WWOX: variants seen among roughly 807,000 people sequenced by gnomAD.
The protein encoded by WWOX is WW domain-containing oxidoreductase.
A neutral mutation model predicts 46.2 loss-of-function variants in WWOX; 69 were observed. The observed-to-expected ratio is 1.49, with a 90% CI of 1.23 to 1.82. WWOX has a LOEUF of 1.82. WWOX is among the 40% of genes most tolerant of loss of function. WWOX has a pLI of 0.00. For synonymous variants in WWOX, 359 were observed against 202.6 expected (o/e 1.77, Z -6.56); for missense variants, 919 against 542.6 (o/e 1.69, Z -6.89).
chr16:78,684,695 G>T (rs2047815080), intron 8 of WWOX, among the ~76,000 whole-genome samples: 1 of 152,144 alleles, frequency 6.6e-6, no homozygotes, highest in Non-Finnish European at 1.5e-5. Flanking sequence ...CTTCTTCCAG[G>T]TTAATCTTGG....
At chr16:78,324,838 C>CAATT (rs1257552575) in intron 5 of WWOX, among the ~76,000 whole-genome samples, 11 of 152,044 alleles carry the variant, frequency 7.2e-5, no homozygotes, top group Admixed American at 6.6e-5. Flanking sequence ...AAATGTTTTG[C>CAATT]AATTGTCTGT....
intron 6 of WWOX, among the ~76,000 whole-genome samples, chr16:78,421,073 A>C (rs940915738): frequency 6.6e-6 from 1 of 152,106 alleles, no homozygotes; most frequent in Non-Finnish European, 1.5e-5. Flanking sequence ...TTGACATGTC[A>C]TTATGGATTC....
chr16:78,447,736 A>T (rs151063429), intron 8 of WWOX, among the ~76,000 whole-genome samples: 1 of 152,216 alleles, frequency 6.6e-6, no homozygotes. Context: ...GTGGAGGGGT[A>T]CTGGAGGAAG....
At chr16:78,871,263 C>T (rs979168517) in intron 8 of WWOX, among the ~76,000 whole-genome samples, 1 of 151,766 alleles carries the variant, frequency 6.6e-6, no homozygotes, top group Non-Finnish European at 1.5e-5. Context: ...CCCCCCATGG[C>T]TTCGTCCTTA....
intron 5 of WWOX, among the ~76,000 whole-genome samples, chr16:78,216,946 C>G (rs1374175145): frequency 6.6e-6 from 1 of 152,210 alleles, no homozygotes; most frequent in East Asian, 1.9e-4. Flanking sequence ...TGGTCTCAAA[C>G]TCCTGACCTC....
chr16:78,959,033 A>C (rs1466231375), intron 8 of WWOX, among the ~76,000 whole-genome samples: 1 of 152,224 alleles, frequency 6.6e-6, no homozygotes, highest in Non-Finnish European at 1.5e-5. Context: ...AAGACATTTA[A>C]TATTAAAATA....
chr16:78,401,102 G>A (rs1597169383), intron 6 of WWOX, among the ~76,000 whole-genome samples: 2 of 152,222 alleles, frequency 1.3e-5, no homozygotes, highest in Non-Finnish European at 2.9e-5. Context: ...TTACAGGCAT[G>A]AGCCATGTCC....
intron 5 of WWOX, among the ~76,000 whole-genome samples, chr16:78,294,522 T>G (rs1240561945): frequency 1.3e-5 from 2 of 152,170 alleles, no homozygotes. Flanking sequence ...TCATCTCTTA[T>G]TTATACTCCT....
At chr16:78,421,988 C>G (rs1395254491) in intron 6 of WWOX, among the ~76,000 whole-genome samples, 2 of 152,060 alleles carry the variant, frequency 1.3e-5, no homozygotes, top group Non-Finnish European at 2.9e-5. Context: ...CAAGATAATA[C>G]AAATATAATA....
intron 5 of WWOX, chr16:78,280,764 G>A (rs2079663758): frequency 6.6e-6 from 1 of 152,172 alleles, no homozygotes; most frequent in African/African-American, 2.4e-5. Context: ...CATGCTCTTT[G>A]AAGCTGAAGC....
intron 8 of WWOX, among the ~76,000 whole-genome samples, chr16:78,473,787 G>T (rs2084289354): frequency 6.6e-6 from 1 of 152,084 alleles, no homozygotes; most frequent in Non-Finnish European, 1.5e-5. Flanking sequence ...CCCACCAGTG[G>T]TCCCCTGAAT....
chr16:79,041,508 A>G lies in WWOX; in HGVS notation c.1057-170100A>G, dbSNP rs1253214329. 2.6e-5 allele frequency among the ~76,000 whole-genome samples: 4 copies of G among 152,284 alleles called. No individual in the cohort carries two copies. The East Asian group carries it at 5.8e-4, about 22-fold the overall frequency. On this transcript the variant is annotated intron_variant, in intron 8 of 8. Coordinates refer to ENST00000566780, the MANE Select transcript of WWOX (RefSeq NM_016373.4). ...GGATGATGGAGCAGGGATCATGCTC[A>G]TTAAGTCCGCAGAACTCATCAGCTG...
intron 8 of WWOX, among the ~76,000 whole-genome samples, chr16:78,989,629 T>A (rs1453661460): frequency 1.3e-5 from 2 of 152,278 alleles, no homozygotes; most frequent in Admixed American, 1.3e-4. Flanking sequence ...TCTTGTGGAT[T>A]CAGGAATTGG....
intron 6 of WWOX, among the ~76,000 whole-genome samples, chr16:78,409,779 C>T (rs936627961): frequency 2.6e-5 from 4 of 152,146 alleles, no homozygotes; most frequent in African/African-American, 9.7e-5. Flanking sequence ...TTTCCAGCTT[C>T]TAAAGGTCAC....
intron 8 of WWOX, among the ~76,000 whole-genome samples, chr16:79,067,122 G>A (rs1473397988): frequency 6.6e-6 from 1 of 152,178 alleles, no homozygotes; most frequent in Non-Finnish European, 1.5e-5. Context: ...AATCCTTGGA[G>A]GCCCTGTCTA....
At chr16:78,395,529 G>A (rs112459785) in intron 6 of WWOX, among the ~76,000 whole-genome samples, 1 of 152,016 alleles carries the variant, frequency 6.6e-6, no homozygotes, top group Non-Finnish European at 1.5e-5. Context: ...AAAGGAAAAA[G>A]AGAGAGAAGG....
At chr16:79,051,276 C>T (rs1035364141) in intron 8 of WWOX, among the ~76,000 whole-genome samples, 3 of 152,170 alleles carry the variant, frequency 2.0e-5, no homozygotes, top group Admixed American at 6.5e-5. Flanking sequence ...ATAATTTTTG[C>T]ATCATGCGCA....
chr16:78,298,440 T>C (rs922306848), intron 5 of WWOX, among the ~76,000 whole-genome samples: 2 of 152,270 alleles, frequency 1.3e-5, no homozygotes, highest in African/African-American at 4.8e-5. Context: ...TGTGTGATCC[T>C]GGGTAGTTTG....
chr16:78,845,202 A>G (rs1567599896), intron 8 of WWOX, among the ~76,000 whole-genome samples: 2 of 149,786 alleles, frequency 1.3e-5, no homozygotes, highest in African/African-American at 2.5e-5. Context: ...AAAAGAATCC[A>G]TTCATAACTG....
Sources: gnomAD v4.1 joint callset for allele counts (sites outside exome capture counted in the v4.1 genomes callset) on GRCh38, gnomAD v4.1.1 for gene constraint, MANE v1.5 for transcripts, NCBI Gene and HGNC (gene_info 2026-07-23, HGNC 2026-07-21) for gene names.